The following DUSP10 variants were observed in gnomAD, a reference collection of about 807,000 sequenced individuals.
The protein encoded by DUSP10 is dual specificity protein phosphatase 10.
A neutral mutation model predicts 30.8 loss-of-function variants in DUSP10; 14 were observed. The observed-to-expected ratio is 0.46, with a 90% CI of 0.30 to 0.71. The LOEUF is 0.71. Ranked by LOEUF, DUSP10 falls within the 30% of genes least tolerant of loss-of-function variation. DUSP10 has a pLI of 0.08. For synonymous variants in DUSP10, 254 were observed against 250.4 expected, an observed-to-expected ratio of 1.01 and a Z score of -0.14; for missense variants, 550 against 619.4, an observed-to-expected ratio of 0.89 and a Z score of 1.19.
chr1:221,718,330 G>A (rs950482962), intron 2 of DUSP10, among the ~76,000 whole-genome samples: 20 of 152,120 alleles, frequency 1.3e-4, no homozygotes, highest in Admixed American at 6.5e-4. Flanking sequence ...CCTTCTGGGC[G>A]GAAGAATATT....
chr1:221,733,742 C>A (rs1661684373), intron 2 of DUSP10, among the ~76,000 whole-genome samples: 1 of 152,182 alleles, frequency 6.6e-6, no homozygotes, highest in Admixed American at 6.5e-5. Flanking sequence ...CTGAGAGGCC[C>A]CCTGATTTGC....
At chr1:221,705,295 G>T (rs1293859424) in intron 3 of DUSP10, among the ~76,000 whole-genome samples, 2 of 152,066 alleles carry the variant, frequency 1.3e-5, no homozygotes, top group Non-Finnish European at 2.9e-5. Flanking sequence ...TTTTTTAGTA[G>T]AGATGGAGTT....
chr1:221,706,210 A>G lies in DUSP10; in HGVS notation c.1068T>C (p.Thr356=). The change falls in exon 3 of 4, where the codon ACT becomes ACC. Residue 356 remains threonine (T), a synonymous_variant. Transcript: ENST00000366899. This position sits in a 1 kb window ranked among gnomAD's most constrained non-coding sequence, Gnocchi z 4.6. ...TCTCATAGTGGTAGAGGGGAAGATG[A>G]GTGGTGACGTTGATGACGTAGCCGA... is the stretch of plus-strand genomic sequence containing the variant. ...LNIGYVINVT[T]HLPLYHYEKG... is the part of the protein sequence containing the mutation. The G allele has an allele frequency of 6.2e-7, 1 of 1,614,094 alleles. No homozygotes were observed. Among genetic ancestry groups the G allele is most frequent in the Non-Finnish European group, 8.5e-7 (1 of 1,180,004 alleles).
intron 2 of DUSP10, among the ~76,000 whole-genome samples, chr1:221,710,930 G>T (rs898492922): frequency 9.2e-5 from 14 of 152,028 alleles, no homozygotes; most frequent in African/African-American, 3.4e-4. Context: ...CAATGCTGGG[G>T]TAGGGTGAGG....
intron 3 of DUSP10, among the ~76,000 whole-genome samples, chr1:221,703,391 A>C (rs1371640682): frequency 1.3e-5 from 2 of 152,238 alleles, no homozygotes; most frequent in African/African-American, 4.8e-5. Flanking sequence ...TAAATGGATA[A>C]GAGTTTTAGT....
chr1:221,722,402 A>G (rs902649546), intron 2 of DUSP10, among the ~76,000 whole-genome samples: 2 of 152,210 alleles, frequency 1.3e-5, no homozygotes, highest in African/African-American at 2.4e-5. Context: ...TCCACAGTCA[A>G]TGAGTGGCAG....
intron 3 of DUSP10, among the ~76,000 whole-genome samples, chr1:221,703,215 G>GTA (rs1660659367): frequency 6.6e-6 from 1 of 151,280 alleles, no homozygotes; most frequent in African/African-American, 2.5e-5. Flanking sequence ...GTGTGTGTGT[G>GTA]TGTGTATATA....
At chr1:221,728,589 C>T (rs981404095) in intron 2 of DUSP10, among the ~76,000 whole-genome samples, 1 of 152,176 alleles carries the variant, frequency 6.6e-6, no homozygotes, top group South Asian at 2.1e-4. Flanking sequence ...GTTCACTTAT[C>T]CCTGATAACT....
At chr1:221,736,726 AAATGAT>A (rs934371997) in intron 2 of DUSP10, 2 of 882,638 alleles carry the variant, frequency 2.3e-6, no homozygotes, top group African/African-American at 3.6e-5. Flanking sequence ...AAAGATACCA[AAATGAT>A]AATGATAATT....
Position 221,739,768 on chromosome 1 carries a change from C to T in DUSP10, c.-24G>A. Reference sequence around the variant, plus strand: ...ATGAGGAGGCTGAAAACTGGCAATTCAAGAAGAACTCAAGACAGTCTGTAA... The same window carrying T: ...ATGAGGAGGCTGAAAACTGGCAATTTAAGAAGAACTCAAGACAGTCTGTAA... On this transcript the variant is annotated 5_prime_UTR_variant, in exon 2 of 4. Coordinates refer to ENST00000366899, the MANE Select transcript of DUSP10 (RefSeq NM_007207.6). 6.5e-7 allele frequency: 1 copy of T among 1,548,868 alleles called. No homozygotes were observed. Among genetic ancestry groups the T allele is most frequent in the Non-Finnish European group, 8.7e-7 (1 of 1,148,970 alleles).
intron 2 of DUSP10, among the ~76,000 whole-genome samples, chr1:221,728,108 C>T (rs998411513): frequency 1.3e-5 from 2 of 152,192 alleles, no homozygotes; most frequent in Non-Finnish European, 2.9e-5. Context: ...CTGTCTTACA[C>T]ACTTGCTCAT....
intron 2 of DUSP10, among the ~76,000 whole-genome samples, chr1:221,734,203 CTT>C (rs966609764): frequency 2.0e-5 from 3 of 152,158 alleles, no homozygotes; most frequent in African/African-American, 7.2e-5. Flanking sequence ...AAGTTTTATG[CTT>C]TTGTTATGGG....
At chr1:221,703,580 T>G (rs1246439253) in intron 3 of DUSP10, among the ~76,000 whole-genome samples, 1 of 152,184 alleles carries the variant, frequency 6.6e-6, no homozygotes, top group East Asian at 1.9e-4. Flanking sequence ...CATTCCAGTG[T>G]GGCAATAATG....
rs142595446 is a variant in DUSP10, at chr1:221,721,261, T to G, written c.812-14795A>C. 1.2e-3 allele frequency among the ~76,000 whole-genome samples: 181 copies of G among 152,336 alleles called. 1 individual carries two copies. Among genetic ancestry groups the G allele is most frequent in the Admixed American group, 2.2e-3 (34 of 15,306 alleles). On this transcript the variant is annotated intron_variant, in intron 2 of 3. Coordinates refer to ENST00000366899, the MANE Select transcript of DUSP10 (RefSeq NM_007207.6). ...ATGAGATGAGATAGGACCAGTTTAT[T>G]GTAAAGCATCTATTATATGCTGTTC...
At chr1:221,717,318 A>C (rs942744844) in intron 2 of DUSP10, among the ~76,000 whole-genome samples, 2 of 152,076 alleles carry the variant, frequency 1.3e-5, no homozygotes, top group Non-Finnish European at 2.9e-5. Flanking sequence ...AGGGGAAGGA[A>C]GGGAGGCAGG....
intron 2 of DUSP10, among the ~76,000 whole-genome samples, chr1:221,724,314 A>G (rs547049600): frequency 6.7e-6 from 1 of 149,264 alleles, no homozygotes; most frequent in Non-Finnish European, 1.5e-5. Flanking sequence ...TTTGATAGAC[A>G]TGGAATTCAG....
At chr1:221,717,627 G>A (rs374181781) in intron 2 of DUSP10, among the ~76,000 whole-genome samples, 13 of 152,164 alleles carry the variant, frequency 8.5e-5, no homozygotes, top group Middle Eastern at 3.4e-3. Context: ...ACACAAATTC[G>A]TATGCTGAAG....
At chr1:221,709,740 T>A (rs2102618643) in intron 2 of DUSP10, among the ~76,000 whole-genome samples, 1 of 152,164 alleles carries the variant, frequency 6.6e-6, no homozygotes, top group East Asian at 1.9e-4. Flanking sequence ...TTTTCTTCTC[T>A]TGGGGAAGGG....
rs10543773 is a variant in DUSP10, at chr1:221,704,316, TAAA to T, written c.1184-1642_1184-1640del. Among the ~76,000 whole-genome samples the T allele has an allele frequency of 4.9e-3, 655 of 134,392 alleles. 6 individuals carry two copies. The highest frequency in any genetic ancestry group is 0.016 in the African/African-American group (603 of 38,424). 88.2% of individuals were successfully genotyped at this position (134,392 alleles called of 152,430 possible). A position where few individuals can be genotyped will look rare whatever the true frequency, so the allele number is the denominator to read the frequency against. On this transcript the variant is annotated intron_variant, in intron 3 of 3. Coordinates refer to ENST00000366899, the MANE Select transcript of DUSP10 (RefSeq NM_007207.6). ...TATTTGTTATTGGTTTTGTTTTCCT[TAAA>T]AAAAAAAAAAAAAAGGCAGGTAAGC...
Sources: gnomAD v4.1 joint callset for allele counts (sites outside exome capture counted in the v4.1 genomes callset) on GRCh38, gnomAD v4.1.1 for gene constraint, Gnocchi (gnomAD v3.1) non-coding constraint, MANE v1.5 for transcripts, NCBI Gene and HGNC (gene_info 2026-07-23, HGNC 2026-07-21) for gene names.